The following TAFA4 variants were observed in gnomAD, a reference collection of about 807,000 sequenced individuals.
The protein encoded by TAFA4 is TAFA chemokine like family member 4, also known as chemokine-like protein TAFA-4.
TAFA4 carries 20 observed loss-of-function variants against 21.1 expected under a neutral mutation model. That is an observed-to-expected ratio of 0.95 (90% CI 0.67 to 1.38). The LOEUF (loss-of-function observed/expected upper bound fraction) is 1.38. Among genes scored for constraint, TAFA4 ranks in the 40% most tolerant of loss-of-function variants. TAFA4 has a pLI of 0.00. For missense variants in TAFA4, 211 were observed against 180.9 expected (o/e 1.17, Z -0.95); for synonymous variants, 71 against 67.4 (o/e 1.05, Z -0.26).
At chr3:68,918,962 G>A (rs1036243126) in intron 1 of TAFA4, among the ~76,000 whole-genome samples, 3 of 152,076 alleles carry the variant, frequency 2.0e-5, no homozygotes, top group African/African-American at 7.2e-5. Flanking sequence ...CCTATTTCCT[G>A]TATACCAAGA....
chr3:68,856,138 T>C (rs1013238582), intron 3 of TAFA4, among the ~76,000 whole-genome samples: 2 of 151,942 alleles, frequency 1.3e-5, no homozygotes, highest in Admixed American at 1.3e-4. Context: ...AACATGCTGA[T>C]TTGGTTAAAC....
intron 3 of TAFA4, among the ~76,000 whole-genome samples, chr3:68,786,348 A>G (rs1250279055): frequency 6.6e-6 from 1 of 152,152 alleles, no homozygotes; most frequent in East Asian, 1.9e-4. Flanking sequence ...TGCTTACAGT[A>G]CCAGCTACCC....
At chr3:68,901,504 T>C (rs553168732) in intron 1 of TAFA4, among the ~76,000 whole-genome samples, 7 of 152,280 alleles carry the variant, frequency 4.6e-5, no homozygotes, top group African/African-American at 1.7e-4. Context: ...AAACTCTGTC[T>C]ATGCTACCCA....
chr3:68,884,185 C>T (rs2106955363), intron 2 of TAFA4, among the ~76,000 whole-genome samples: 1 of 152,294 alleles, frequency 6.6e-6, no homozygotes, highest in South Asian at 2.1e-4. Context: ...AGATCCATTC[C>T]TCCCGCTTCC....
intron 5 of TAFA4, among the ~76,000 whole-genome samples, chr3:68,736,402 A>C (rs1341178371): frequency 6.6e-6 from 1 of 152,162 alleles, no homozygotes; most frequent in Non-Finnish European, 1.5e-5. Flanking sequence ...AAAGATAACT[A>C]GTTAGGGAAT....
chr3:68,921,680 T>C (rs886916675), intron 1 of TAFA4, among the ~76,000 whole-genome samples: 1 of 152,198 alleles, frequency 6.6e-6, no homozygotes, highest in Non-Finnish European at 1.5e-5. Flanking sequence ...TTTTAACATC[T>C]GCCGAGTCTT....
chr3:68,862,593 A>C (rs929377264), intron 3 of TAFA4, among the ~76,000 whole-genome samples: 3 of 152,094 alleles, frequency 2.0e-5, no homozygotes, highest in African/African-American at 7.2e-5. Context: ...CCTGAACTAC[A>C]AACGTATTTC....
At chr3:68,831,586 C>T (rs925801364) in intron 3 of TAFA4, among the ~76,000 whole-genome samples, 3 of 152,112 alleles carry the variant, frequency 2.0e-5, no homozygotes, top group Non-Finnish European at 2.9e-5. Context: ...TTGTGGGTAA[C>T]CCGACCTTTC....
intron 3 of TAFA4, among the ~76,000 whole-genome samples, chr3:68,865,973 A>G (rs1559547860): frequency 6.6e-6 from 1 of 152,136 alleles, no homozygotes; most frequent in Non-Finnish European, 1.5e-5. Flanking sequence ...TACACTGGAA[A>G]AAAGTGAGAC....
intron 3 of TAFA4, among the ~76,000 whole-genome samples, chr3:68,859,500 G>T (rs1366393388): frequency 6.6e-6 from 1 of 152,130 alleles, no homozygotes; most frequent in Non-Finnish European, 1.5e-5. Flanking sequence ...TAATAAAATA[G>T]AGAGGGCAAA....
intron 1 of TAFA4, among the ~76,000 whole-genome samples, chr3:68,915,426 C>A (rs1454641606): frequency 1.3e-5 from 2 of 152,170 alleles, no homozygotes; most frequent in Admixed American, 1.3e-4. Context: ...TAAAACCAAC[C>A]AACTGTAGAG....
At chr3:68,790,189 C>T (rs1041459698) in intron 3 of TAFA4, among the ~76,000 whole-genome samples, 4 of 151,792 alleles carry the variant, frequency 2.6e-5, no homozygotes, top group Admixed American at 2.6e-4. Flanking sequence ...GAGGCTTCTA[C>T]GTTTTGCTAA....
intron 5 of TAFA4, among the ~76,000 whole-genome samples, chr3:68,734,157 T>A (rs1702199450): frequency 6.6e-6 from 1 of 152,190 alleles, no homozygotes; most frequent in South Asian, 2.1e-4. Flanking sequence ...AGACTTTATG[T>A]ATAGATGGTA....
chr3:68,875,479 A>T (rs2089536078), intron 3 of TAFA4, among the ~76,000 whole-genome samples: 1 of 152,104 alleles, frequency 6.6e-6, no homozygotes, highest in Non-Finnish European at 1.5e-5. Flanking sequence ...ACCATTCCAC[A>T]GTCTTTTCTT....
At chr3:68,825,884 A>G (rs1231447693) in intron 3 of TAFA4, among the ~76,000 whole-genome samples, 1 of 152,150 alleles carries the variant, frequency 6.6e-6, no homozygotes, top group Non-Finnish European at 1.5e-5. Context: ...AATAAGTAAA[A>G]CTTCATCAGT....
At chr3:68,782,337 C>T (rs975517609) in intron 3 of TAFA4, among the ~76,000 whole-genome samples, 14 of 152,026 alleles carry the variant, frequency 9.2e-5, no homozygotes, top group Admixed American at 3.3e-4. Flanking sequence ...AGCAGGAAAA[C>T]GTAAGTGTTG....
chr3:68,786,659 T>C (rs1223440009), intron 3 of TAFA4, among the ~76,000 whole-genome samples: 1 of 152,246 alleles, frequency 6.6e-6, no homozygotes, highest in Non-Finnish European at 1.5e-5. Flanking sequence ...AATAATTATC[T>C]AGCTCATCTC....
chr3:68,833,963 C>G (rs1215539992), intron 3 of TAFA4, among the ~76,000 whole-genome samples: 1 of 152,164 alleles, frequency 6.6e-6, no homozygotes, highest in African/African-American at 2.4e-5. Context: ...TGTAAAGCCC[C>G]TAACACTCAG....
intron 3 of TAFA4, among the ~76,000 whole-genome samples, chr3:68,770,810 G>T (rs1387222677): frequency 6.6e-6 from 1 of 152,144 alleles, no homozygotes. Context: ...CCCGGCGAGG[G>T]CTCCACCCTC....
Sources: gnomAD v4.1 joint callset for allele counts (sites outside exome capture counted in the v4.1 genomes callset) on GRCh38, gnomAD v4.1.1 for gene constraint, MANE v1.5 for transcripts, NCBI Gene and HGNC (gene_info 2026-07-23, HGNC 2026-07-21) for gene names.